UBE2S: variants seen among roughly 807,000 people sequenced by gnomAD.
The protein encoded by UBE2S is ubiquitin-conjugating enzyme E2 S.
Under a neutral mutation model 12.3 loss-of-function variants are expected in UBE2S, and 3 were observed. The ratio of observed to expected loss-of-function variants is 0.24; its 90% CI spans 0.11 to 0.63. The LOEUF (loss-of-function observed/expected upper bound fraction) is 0.63, where lower values mean the gene tolerates loss of function less well. Among genes scored for constraint, UBE2S ranks in the 30% least tolerant of loss-of-function variants. UBE2S has a pLI of 0.85. For synonymous variants in UBE2S, 133 were observed against 142.0 expected (o/e 0.94, Z 0.45); for missense variants, 211 against 313.9 (o/e 0.67, Z 2.48).
intron 3 of UBE2S, among the ~76,000 whole-genome samples, chr19:55,403,530 G>A (rs2090076490): frequency 6.7e-6 from 1 of 148,574 alleles, no homozygotes. Context: ...GAAAGAAAAA[G>A]GAAAGAAAGA....
chr19:55,405,102 C>T (rs999762130), intron 2 of UBE2S, among the ~76,000 whole-genome samples: 2 of 150,016 alleles, frequency 1.3e-5, no homozygotes, highest in African/African-American at 4.9e-5. Context: ...CCCAGCTACT[C>T]GGAAGGCTGA....
Position 55,401,538 on chromosome 19 carries a change from T to G in UBE2S, c.567A>C (p.Gly189=). The part of the protein sequence containing the change: ...STDPGAPGGP[G]GAEGPMAKKH... ...TCTTGGCCATGGGACCCTCAGCCCC[T>G]CCCGGGCCCCCTGGGGCCCCAGGGT... The change falls in exon 4 of 4, where the codon GGA becomes GGC. Residue 189 remains glycine, a synonymous_variant. Transcript: ENST00000264552. The G allele has an allele frequency of 6.2e-7, 1 of 1,610,448 alleles. No homozygotes were observed. Among genetic ancestry groups the G allele is most frequent in the South Asian group, 1.1e-5 (1 of 90,966 alleles).
rs1278752931 is a variant in UBE2S at position 55,407,732 on chromosome 19, G to A, written c.-143C>T. ...CGCTCCGCTCCCCGCTGCCTCCGAC[G>A]TCCGCCGCGCACAGCGTAGACCAAC... On this transcript the variant is annotated 5_prime_UTR_variant, in exon 1 of 4. The change creates a new upstream start codon in the 5' untranslated region. Transcript: ENST00000264552. 1.2e-5 allele frequency: 7 copies of A among 568,438 alleles called. No individual in the cohort carries two copies. The highest frequency in any genetic ancestry group is 1.8e-5 in the Non-Finnish European group (7 of 387,470). 35.2% of individuals were successfully genotyped at this position (568,438 alleles called of 1,614,324 possible).
chr19:55,404,265 C>A lies in UBE2S; in HGVS notation c.342+23G>T, dbSNP rs1569049427. 1 of 1,612,076 alleles carries A rather than the reference C, an allele frequency of 6.2e-7. No homozygotes were observed. The highest frequency in any genetic ancestry group is 1.1e-5 in the South Asian group (1 of 90,964). On this transcript the variant is annotated intron_variant, in intron 3 of 3. Transcript: ENST00000264552. The surrounding 1 kb of genome is among the most constrained non-coding windows in gnomAD (Gnocchi z 4.4). ...ACCTCCAGAGGCAGGAGGCAGGAGG[C>A]CCAGCCCCAGCCCAGAACTCACCAG...
At chr19:55,403,097 AC>A in intron 3 of UBE2S, 2 of 1,026,132 alleles carry the variant, frequency 1.9e-6, no homozygotes, top group South Asian at 1.4e-5. Flanking sequence ...CTTGGCCTCC[AC>A]CCACTAGATG....
rs2090073314 is a variant in UBE2S, at chr19:55,403,098, C to G, written c.342+1190G>C. ...ATTTGGGCAGCACCCTTGGCCTCCA[C>G]CCACTAGATGCTAGTGGCACCCCCG... On this transcript the variant is annotated intron_variant, in intron 3 of 3. Transcript: ENST00000264552. 6.0e-6 allele frequency: 6 copies of G among 1,006,020 alleles called. No homozygotes were observed. The East Asian group carries it at 1.5e-4, about 26-fold the overall frequency. The allele number at this position is 1,006,020 out of a possible 1,614,324, so 62.3% of individuals were successfully genotyped here.
intron 2 of UBE2S, 130 bp downstream of exon 2, chr19:55,406,685 C>T (rs1056189506): frequency 8.4e-7 from 1 of 1,184,206 alleles, no homozygotes; most frequent in Non-Finnish European, 1.2e-6. Context: ...GCGTCCTGCC[C>T]TGTCCACCAA....
intron 3 of UBE2S, among the ~76,000 whole-genome samples, chr19:55,403,479 A>G (rs1252092523): frequency 6.6e-6 from 1 of 151,548 alleles, no homozygotes; most frequent in African/African-American, 2.4e-5. Context: ...ACAAAGAGCC[A>G]GTATCTTTAA....
rs1176717851 is a variant in UBE2S at position 55,407,578 on chromosome 19, C to A, written c.3+9G>T. On this transcript the variant is annotated intron_variant, in intron 1 of 3. Coordinates refer to ENST00000264552, the MANE Select transcript of UBE2S (RefSeq NM_014501.3). ...GACCACCTTCATGGGCCTCATCGCC[C>A]GTGCTCACCATGGCTGCGGCCGGCC... The A allele has an allele frequency of 2.7e-6, 4 of 1,490,136 alleles. No homozygotes were observed. Among genetic ancestry groups the A allele is most frequent in the South Asian group, 2.6e-5 (2 of 77,292 alleles). The allele number at this position is 1,490,136 out of a possible 1,614,324, so 92.3% of individuals were successfully genotyped here. A position where few individuals can be genotyped will look rare whatever the true frequency, so the allele number is the denominator to read the frequency against.
rs1309853041 is a variant in UBE2S at position 55,402,991 on chromosome 19, C to T, written c.343-1229G>A. The T allele has an allele frequency of 3.9e-6, 6 of 1,534,652 alleles. No individual in the cohort carries two copies. The Admixed American group carries it at 7.9e-5, about 20-fold the overall frequency. On this transcript the variant is annotated intron_variant, in intron 3 of 3. Coordinates refer to ENST00000264552, the MANE Select transcript of UBE2S (RefSeq NM_014501.3). ...GCAGGCTGTAAGCAGCCTGGAGCAC[C>T]AGCCTAGACCAGGACGCCTCCACCT...
intron 2 of UBE2S, among the ~76,000 whole-genome samples, chr19:55,405,506 TTA>T (rs1399455074): frequency 1.3e-5 from 2 of 151,594 alleles, no homozygotes; most frequent in Non-Finnish European, 2.9e-5. Context: ...AAGACTCCGT[TTA>T]GAGAGAGAAA....
rs10408525 is a variant in UBE2S, at chr19:55,400,344, G to T, written c.*1092C>A. On this transcript the variant is annotated 3_prime_UTR_variant, in exon 4 of 4. Coordinates refer to ENST00000264552, the MANE Select transcript of UBE2S (RefSeq NM_014501.3). Reference sequence around the variant, plus strand: ...TTTTTAATTTTTTTAAAATTAATGAGACATTGGTCTAAATAACCTAAACGC... The same window carrying T: ...TTTTTAATTTTTTTAAAATTAATGATACATTGGTCTAAATAACCTAAACGC... 1 of 152,136 alleles carries T rather than the reference G, an allele frequency of 6.6e-6. No homozygotes were observed. The highest frequency in any genetic ancestry group is 1.9e-4 in the East Asian group (1 of 5,200). 9.4% of individuals were successfully genotyped at this position (152,136 alleles called of 1,614,324 possible).
chr19:55,406,899 G>A lies in UBE2S; in HGVS notation c.67C>T (p.Leu23=). Residue 23 remains leucine (L), a synonymous_variant, in exon 2 of 4, where the codon CTG becomes TTG. Coordinates refer to ENST00000264552, the MANE Select transcript of UBE2S (RefSeq NM_014501.3). ...ATGCCATCGGGTGGGTCTGCGGTCA[G>A]TGTCGTCACCTCCTTGTACACCAGG... ...IRLVYKEVTT[L]TADPPDGIKV... 4 of 1,614,058 alleles carry A rather than the reference G, an allele frequency of 2.5e-6. No individual in the cohort carries two copies. Among genetic ancestry groups the A allele is most frequent in the Non-Finnish European group, 2.5e-6 (3 of 1,179,964 alleles).
rs751632379 is a variant in UBE2S, at chr19:55,404,372, C to A, written c.258G>T (p.Pro86=). 18 of 1,613,836 alleles carry A rather than the reference C, an allele frequency of 1.1e-5. No homozygotes were observed. In the Admixed American group the frequency reaches 3.0e-4, roughly 27 times the overall value. ...KGYFLTKIFH[P]NVGANGEICV... is the part of the protein sequence containing the mutation. ...AGATCTCGCCATTGGCGCCCACGTTCGGGTGGAAGATCTTGGTCAGGAAGT... is the reference window on the plus strand; with the variant it reads ...AGATCTCGCCATTGGCGCCCACGTTAGGGTGGAAGATCTTGGTCAGGAAGT... Residue 86 remains proline, a synonymous_variant, in exon 3 of 4, where the codon CCG becomes CCT. Coordinates refer to ENST00000264552, the MANE Select transcript of UBE2S (RefSeq NM_014501.3). The surrounding 1 kb of genome is among the most constrained non-coding windows in gnomAD (Gnocchi z 4.4).
In UBE2S at chr19:55,404,883, G is replaced by A. The variant is rs932323096; in HGVS notation, c.152-405C>T. Among the ~76,000 whole-genome samples the A allele has an allele frequency of 4.6e-5, 7 of 151,708 alleles. 1 individual carries two copies. Among genetic ancestry groups the A allele is most frequent in the Non-Finnish European group, 8.8e-5 (6 of 67,942 alleles). On this transcript the variant is annotated intron_variant, in intron 2 of 3. Transcript: ENST00000264552. The surrounding 1 kb of genome is among the most constrained non-coding windows in gnomAD (Gnocchi z 4.4). ...CTCCCAAAGTGCTGGGATTACAGGC[G>A]TGAACCACCATGCCCAGTCAGGCTG...
At position 55,404,804 on chromosome 19, in the gene UBE2S, T is replaced by C. The variant is rs116271666; in HGVS notation, c.152-326A>G. Reference sequence around the variant, plus strand: ...TATTTTAAGAGATAGGGTCTCACTATGTTGCCCAAGCTGGTCTTGCACTCC... The same window carrying C: ...TATTTTAAGAGATAGGGTCTCACTACGTTGCCCAAGCTGGTCTTGCACTCC... On this transcript the variant is annotated intron_variant, in intron 2 of 3. Coordinates refer to ENST00000264552, the MANE Select transcript of UBE2S (RefSeq NM_014501.3). This position sits in a 1 kb window ranked among gnomAD's most constrained non-coding sequence, Gnocchi z 4.4. Among the ~76,000 whole-genome samples the C allele has an allele frequency of 6.6e-6, 1 of 152,276 alleles. No individual in the cohort carries two copies. Among genetic ancestry groups the C allele is most frequent in the African/African-American group, 2.4e-5 (1 of 41,582 alleles).
rs746549935 is a variant in UBE2S at position 55,404,476 on chromosome 19, C to A, written c.154G>T (p.Gly52Trp). ...DLQVTIEGPE[G>W]TPYAGGLFRM... ...AACAGACCTCCAGCATATGGGGTCC[C>A]CTCTGGAGTGGAGGGAGGGGTACAG... The change falls in exon 3 of 4, where the codon GGG becomes TGG. Residue 52 changes from glycine to tryptophan, a missense_variant and splice_region_variant. By Grantham distance (184) the Gly-to-Trp change is radical (BLOSUM62 -2). Transcript: ENST00000264552. The surrounding 1 kb of genome is among the most constrained non-coding windows in gnomAD (Gnocchi z 4.4). 3.1e-6 allele frequency: 5 copies of A among 1,604,802 alleles called. No individual in the cohort carries two copies. The highest frequency in any genetic ancestry group is 4.3e-6 in the Non-Finnish European group (5 of 1,174,996).
chr19:55,405,971 G>A (rs2090094157), intron 2 of UBE2S, among the ~76,000 whole-genome samples: 2 of 152,152 alleles, frequency 1.3e-5, no homozygotes, highest in Admixed American at 6.5e-5. Context: ...CCTCACTACA[G>A]TCAATAGGAA....
chr19:55,405,741 C>T (rs1158320754), intron 2 of UBE2S, among the ~76,000 whole-genome samples: 5 of 152,144 alleles, frequency 3.3e-5, no homozygotes, highest in Non-Finnish European at 7.3e-5. Context: ...ATTTATATGC[C>T]TTTCAGATCA....
Sources: allele counts gnomAD v4.1 joint callset (sites outside exome capture counted in the v4.1 genomes callset), GRCh38; gene constraint gnomAD v4.1.1; non-coding constraint Gnocchi (gnomAD v3.1); transcripts MANE v1.5; gene names NCBI Gene and HGNC (gene_info 2026-07-23, HGNC 2026-07-21).